ST18: variants seen among roughly 807,000 people sequenced by gnomAD.
ST18 encodes the protein ST18 C2H2C-type zinc finger transcription factor.
Under a neutral mutation model 110.0 loss-of-function variants are expected in ST18, and 50 were observed. That is an observed-to-expected ratio of 0.45 (90% confidence interval 0.36 to 0.58). The LOEUF (loss-of-function observed/expected upper bound fraction) is 0.58. Among genes scored for constraint, ST18 ranks in the 20% least tolerant of loss-of-function variants. The probability of loss-of-function intolerance (pLI) is 0.00; values close to 1 mark genes in which losing one functional copy is unlikely to be tolerated. For synonymous variants in ST18, 461 were observed against 452.4 expected (o/e 1.02, Z -0.24); for missense variants, 1,306 against 1,280.1 (o/e 1.02, Z -0.31).
At chr8:52,393,835 A>G (rs1840143001) in intron 2 of ST18, 1 of 150,222 alleles carries the variant, frequency 6.7e-6, no homozygotes, top group African/African-American at 2.5e-5. Context: ...GTGAGCTGAG[A>G]CTGTGCCATT....
chr8:52,305,518 A>G (rs749382116), intron 2 of ST18, among the ~76,000 whole-genome samples: 13 of 152,300 alleles, frequency 8.5e-5, no homozygotes, highest in Admixed American at 2.0e-4. Flanking sequence ...TTGTCTATTA[A>G]ACAGCCTACT....
At chr8:52,394,135 CCT>C (rs2141010380) in intron 2 of ST18, among the ~76,000 whole-genome samples, 1 of 152,216 alleles carries the variant, frequency 6.6e-6, no homozygotes, top group South Asian at 2.1e-4. Context: ...TTCCCATCCC[CCT>C]GTCTTAATGA....
intron 2 of ST18, among the ~76,000 whole-genome samples, chr8:52,250,132 A>C (rs2094172174): frequency 6.6e-6 from 1 of 152,062 alleles, no homozygotes; most frequent in Non-Finnish European, 1.5e-5. Context: ...AGAGAGTTCT[A>C]TTGTCCAGCT....
chr8:52,173,680 C>G (rs2065835808), intron 9 of ST18, among the ~76,000 whole-genome samples: 2 of 151,792 alleles, frequency 1.3e-5, no homozygotes, highest in South Asian at 2.1e-4. Flanking sequence ...CAACAGTGCC[C>G]AGACATCCAA....
chr8:52,347,020 A>G (rs1365294856), intron 2 of ST18, among the ~76,000 whole-genome samples: 4 of 152,214 alleles, frequency 2.6e-5, no homozygotes, highest in African/African-American at 9.6e-5. Context: ...GTGTGTAAGA[A>G]AAGAGTTCAT....
At chr8:52,136,019 A>G (rs1030578275) in intron 19 of ST18, among the ~76,000 whole-genome samples, 4 of 152,218 alleles carry the variant, frequency 2.6e-5, no homozygotes, top group Non-Finnish European at 5.9e-5. Flanking sequence ...TTATTGTTCT[A>G]TACGTAATAT....
At chr8:52,293,364 G>A (rs1476026017) in intron 2 of ST18, among the ~76,000 whole-genome samples, 1 of 152,210 alleles carries the variant, frequency 6.6e-6, no homozygotes, top group Non-Finnish European at 1.5e-5. Flanking sequence ...GGAAAGGCTG[G>A]GCGACTTCAT....
chr8:52,127,277 G>T (rs1019164212), intron 22 of ST18, among the ~76,000 whole-genome samples: 2 of 152,022 alleles, frequency 1.3e-5, no homozygotes, highest in Non-Finnish European at 2.9e-5. Context: ...TATAGAAAAG[G>T]CTATGCAGTT....
At chr8:52,198,305 G>A (rs555862667) in intron 8 of ST18, among the ~76,000 whole-genome samples, 20 of 152,256 alleles carry the variant, frequency 1.3e-4, no homozygotes, top group East Asian at 9.7e-4. Context: ...GCGCCCGGCC[G>A]TGGCTGTTTT....
At chr8:52,378,013 G>A (rs947150447) in intron 2 of ST18, among the ~76,000 whole-genome samples, 1 of 152,166 alleles carries the variant, frequency 6.6e-6, no homozygotes, top group Non-Finnish European at 1.5e-5. Flanking sequence ...GAAACACAAA[G>A]ACAAATTTCA....
At chr8:52,255,572 TA>T (rs200095347) in intron 2 of ST18, among the ~76,000 whole-genome samples, 1 of 152,178 alleles carries the variant, frequency 6.6e-6, no homozygotes, top group Admixed American at 6.5e-5. Context: ...TATAAAGATT[TA>T]ATTTTTTTCT....
intron 2 of ST18, among the ~76,000 whole-genome samples, chr8:52,251,399 G>A (rs1368974708): frequency 6.6e-6 from 1 of 151,942 alleles, no homozygotes; most frequent in African/African-American, 2.4e-5. Context: ...TATAAGCATA[G>A]GTATACACAC....
intron 2 of ST18, among the ~76,000 whole-genome samples, chr8:52,302,952 T>C (rs1327620871): frequency 1.3e-5 from 2 of 152,128 alleles, no homozygotes; most frequent in African/African-American, 4.8e-5. Context: ...AGCTAATGGG[T>C]GAAGGTTCAT....
intron 2 of ST18, among the ~76,000 whole-genome samples, chr8:52,336,110 T>C (rs967617698): frequency 2.6e-5 from 4 of 152,152 alleles, no homozygotes; most frequent in African/African-American, 9.7e-5. Context: ...TGGATGGGAT[T>C]CTTCATCAAT....
intron 10 of ST18, 21 bp downstream of exon 10, chr8:52,171,771 A>C: frequency 6.2e-7 from 1 of 1,601,448 alleles, no homozygotes; most frequent in South Asian, 1.1e-5. Flanking sequence ...TTCCTAAAAT[A>C]AATGCAAAAA....
In ST18 at chr8:52,166,867, G is replaced by A. The variant is rs200016532; in HGVS notation, c.1189C>T (p.Arg397Trp). Residue 397 changes from arginine to tryptophan, a missense_variant, in exon 11 of 26, where the codon CGG becomes TGG. Coordinates refer to ENST00000689386, the MANE Select transcript of ST18 (RefSeq NM_001352837.2). ...RSLSGCPHKV[R>W]VPLEILAMHE... ...TGGTACTCACTTTCCAGGGGAACCC[G>A]CACTTTGTGGGGGCACCCCGAAAGG... 1.8e-5 allele frequency: 28 copies of A among 1,589,996 alleles called. No individual in the cohort carries two copies. Among genetic ancestry groups the A allele is most frequent in the South Asian group, 2.3e-5 (2 of 88,790 alleles).
chr8:52,339,860 T>C (rs1409723159), intron 2 of ST18, among the ~76,000 whole-genome samples: 5 of 152,400 alleles, frequency 3.3e-5, no homozygotes, highest in Admixed American at 1.3e-4. Flanking sequence ...TTAATTGCTC[T>C]TCTCTTCCCA....
chr8:52,124,808 A>T (rs1253788352), intron 23 of ST18, among the ~76,000 whole-genome samples: 1 of 152,158 alleles, frequency 6.6e-6, no homozygotes, highest in Non-Finnish European at 1.5e-5. Context: ...AGAATCCCCA[A>T]CAAGGACCGC....
At chr8:52,248,198 CATAA>C (rs1487767463) in intron 2 of ST18, among the ~76,000 whole-genome samples, 2 of 152,110 alleles carry the variant, frequency 1.3e-5, no homozygotes, top group Non-Finnish European at 2.9e-5. Flanking sequence ...TATATCCTTA[CATAA>C]ATAAATATTT....
Sources: allele counts gnomAD v4.1 joint callset (sites outside exome capture counted in the v4.1 genomes callset), GRCh38; gene constraint gnomAD v4.1.1; transcripts MANE v1.5; gene names NCBI Gene and HGNC (gene_info 2026-07-23, HGNC 2026-07-21).